Variants in SEMA7A observed in about 807,000 individuals in gnomAD.
SEMA7A encodes semaphorin-7A.
In SEMA7A, 21 loss-of-function variants were observed where a neutral mutation model predicts 67.5. That is an observed-to-expected ratio of 0.31 (90% CI 0.22 to 0.45). SEMA7A has a LOEUF of 0.45. Ranked by LOEUF, SEMA7A falls within the 20% of genes least tolerant of loss-of-function variation. The pLI is 1.00. For missense variants in SEMA7A, 774 were observed against 908.6 expected (o/e 0.85, Z 1.90); for synonymous variants, 364 against 368.5 (o/e 0.99, Z 0.14).
rs146504278 is a variant in SEMA7A at position 74,411,887 on chromosome 15, G to A, written c.1420C>T (p.Arg474Trp). 112 of 1,613,626 alleles carry A rather than the reference G, an allele frequency of 6.9e-5. 1 individual carries two copies. The South Asian group carries it at 9.7e-4, about 14-fold the overall frequency. Residue 474 changes from arginine to tryptophan, a missense_variant and splice_region_variant, in exon 11 of 14, where the codon CGG (arginine) becomes TGG (tryptophan). Coordinates refer to ENST00000261918, the MANE Select transcript of SEMA7A (RefSeq NM_003612.5). The surrounding 1 kb of genome is among the most constrained non-coding windows in gnomAD (Gnocchi z 4.4). ...AIQTMSLDAE[R>W]RKLYVSSQWE... Reference sequence around the variant, plus strand: ...GGACGCAGTGGGGGAAGGCTCACCCGCTCAGCATCCAGCGACATGGTCTGG... The same window carrying A: ...GGACGCAGTGGGGGAAGGCTCACCCACTCAGCATCCAGCGACATGGTCTGG...
At chr15:74,412,437 C>A (rs1453780736) in intron 10 of SEMA7A, among the ~76,000 whole-genome samples, 2 of 152,226 alleles carry the variant, frequency 1.3e-5, no homozygotes, top group Non-Finnish European at 2.9e-5. Context: ...CTCAAGGTCA[C>A]ACAGCTGGTG....
At chr15:74,425,501 C>G (rs200710676) in intron 1 of SEMA7A, among the ~76,000 whole-genome samples, 1 of 152,112 alleles carries the variant, frequency 6.6e-6, no homozygotes, top group East Asian at 1.9e-4. Context: ...TCAGCCCTTC[C>G]CAGACAGATG....
chr15:74,417,188 A>G, intron 6 of SEMA7A, 147 bp downstream of exon 6: 1 of 670,286 alleles, frequency 1.5e-6, no homozygotes, highest in Non-Finnish European at 2.6e-6. Context: ...GCCAACCCTA[A>G]CTTCTCAGGC....
chr15:74,419,789 G>A (rs1475836280), intron 1 of SEMA7A, among the ~76,000 whole-genome samples: 2 of 152,186 alleles, frequency 1.3e-5, no homozygotes, highest in African/African-American at 2.4e-5. Context: ...CTGGGACAGG[G>A]GAACCTTCAC....
intron 1 of SEMA7A, among the ~76,000 whole-genome samples, chr15:74,429,197 GCAGT>G (rs1364040555): frequency 6.6e-6 from 1 of 152,248 alleles, no homozygotes; most frequent in Non-Finnish European, 1.5e-5. Flanking sequence ...CAGGGGAAGT[GCAGT>G]CAGTCTCTTG....
chr15:74,419,535 C>A (rs1355508251), intron 1 of SEMA7A, among the ~76,000 whole-genome samples: 4 of 152,170 alleles, frequency 2.6e-5, no homozygotes, highest in Admixed American at 1.3e-4. Flanking sequence ...TTAGTGAGCA[C>A]TAGACTAGAG....
chr15:74,418,722 G>A (rs969084984), intron 2 of SEMA7A, 79 bp downstream of exon 2: 68 of 1,507,616 alleles, frequency 4.5e-5, no homozygotes, highest in African/African-American at 3.0e-4. Context: ...CAGCTCCCTC[G>A]GATTCCCTGA....
rs558660039 is a variant in SEMA7A, at chr15:74,410,126, G to A, written c.*498C>T. On this transcript the variant is annotated 3_prime_UTR_variant, in exon 14 of 14. Coordinates refer to ENST00000261918, the MANE Select transcript of SEMA7A (RefSeq NM_003612.5). This position sits in a 1 kb window ranked among gnomAD's most constrained non-coding sequence, Gnocchi z 7.5. The stretch of plus-strand genomic sequence containing the variant: ...CAGGACCAGAGAGGGAGCTGCAGAG[G>A]ACAGGGCTGGACAGAGGGTAGCCCT... 12 of 156,008 alleles carry A rather than the reference G, an allele frequency of 7.7e-5. No homozygotes were observed. The East Asian group carries it at 2.3e-3, about 30-fold the overall frequency. 9.7% of individuals were successfully genotyped at this position (156,008 alleles called of 1,614,324 possible).
Position 74,431,756 on chromosome 15 carries a change from C to T in SEMA7A, c.178+1985G>A, listed in dbSNP as rs573362511. Among the ~76,000 whole-genome samples, 10 of 152,382 alleles carry T rather than the reference C, an allele frequency of 6.6e-5. 2 individuals are homozygous for T. The South Asian group carries it at 2.1e-3, about 32-fold the overall frequency. On this transcript the variant is annotated intron_variant, in intron 1 of 13. Transcript: ENST00000261918. ...CGGGCACACCATCACCAGCTGGTGG[C>T]CCTGGGGGTGGGGGGCAGGTGAATG... is the stretch of plus-strand genomic sequence containing the variant.
intron 1 of SEMA7A, among the ~76,000 whole-genome samples, chr15:74,433,021 C>T (rs978519313): frequency 2.0e-5 from 3 of 152,176 alleles, no homozygotes; most frequent in Non-Finnish European, 4.4e-5. Flanking sequence ...AACGGCCGTG[C>T]CCCACCCAAC....
At position 74,433,903 on chromosome 15, in the gene SEMA7A, G is replaced by T; in HGVS notation, c.16C>A (p.Pro6Thr). 1 of 1,254,690 alleles carries T rather than the reference G, an allele frequency of 8.0e-7. No individual in the cohort carries two copies. The highest frequency in any genetic ancestry group is 3.3e-5 in the South Asian group (1 of 30,160). The allele number at this position is 1,254,690 out of a possible 1,614,324, so 77.7% of individuals were successfully genotyped here. A position where few individuals can be genotyped will look rare whatever the true frequency, so the allele number is the denominator to read the frequency against. Residue 6 changes from proline (P) to threonine (T), a missense_variant, in exon 1 of 14, where the codon CCC becomes ACC. Pro to Thr is a conservative substitution (Grantham distance 38, BLOSUM62 -1). Coordinates refer to ENST00000261918, the MANE Select transcript of SEMA7A (RefSeq NM_003612.5). MTPPP[P>T]GRAAPSAPRA... is the part of the protein sequence containing the mutation. ...GGTGCGCTGGGGGCGGCACGTCCGG[G>T]CGGAGGAGGCGTCATCCCGTGGCCC...
Position 74,410,461 on chromosome 15 carries a change from C to T in SEMA7A, c.*163G>A, listed in dbSNP as rs1030869761. Reference sequence around the variant, plus strand: ...CGTGCGCCACCTGGGGCCCAGCAGCCGCCTGCGGCTGGACGTCTCCAGGCC... The same window carrying T: ...CGTGCGCCACCTGGGGCCCAGCAGCTGCCTGCGGCTGGACGTCTCCAGGCC... On this transcript the variant is annotated 3_prime_UTR_variant, in exon 14 of 14. Coordinates refer to ENST00000261918, the MANE Select transcript of SEMA7A (RefSeq NM_003612.5). The surrounding 1 kb of genome is among the most constrained non-coding windows in gnomAD (Gnocchi z 7.5). The T allele has an allele frequency of 6.2e-5, 67 of 1,087,512 alleles. No individual in the cohort carries two copies. Among genetic ancestry groups the T allele is most frequent in the Admixed American group, 1.3e-4 (5 of 37,862 alleles). The allele number at this position is 1,087,512 out of a possible 1,614,324, so 67.4% of individuals were successfully genotyped here.
intron 1 of SEMA7A, chr15:74,433,445 C>A: frequency 1.6e-6 from 1 of 643,628 alleles, no homozygotes; most frequent in Non-Finnish European, 2.1e-6. Flanking sequence ...GAGGGGCCCG[C>A]CCCCTCCCCT....
Position 74,411,676 on chromosome 15 carries a change from C to G in SEMA7A, c.1457G>C (p.Ser486Thr). The G allele has an allele frequency of 6.2e-7, 1 of 1,613,620 alleles. No individual in the cohort carries two copies. The highest frequency in any genetic ancestry group is 8.5e-7 in the Non-Finnish European group (1 of 1,179,992). The part of the protein sequence containing the change: ...KLYVSSQWEV[S>T]QVPLDLCEVY... ...CTCACACAGGTCCAGGGGCACCTGG[C>G]TCACCTCCCACTGGGAGCTCACATA... is the stretch of plus-strand genomic sequence containing the variant. The change falls in exon 12 of 14, where the codon AGC becomes ACC. Residue 486 changes from serine to threonine, a missense_variant. Physicochemically the swap from Ser to Thr is moderately conservative, Grantham distance 58. Transcript: ENST00000261918. This position sits in a 1 kb window ranked among gnomAD's most constrained non-coding sequence, Gnocchi z 4.4.
At position 74,410,558 on chromosome 15, in the gene SEMA7A, C is replaced by T; in HGVS notation, c.*66G>A. On this transcript the variant is annotated 3_prime_UTR_variant, in exon 14 of 14. Transcript: ENST00000261918. The surrounding 1 kb of genome is among the most constrained non-coding windows in gnomAD (Gnocchi z 7.5). ...CAAGGAGCTCCCGGGCCAGCCGGCT[C>T]TGAGTGTGAGACGTTCTAGTGCCCT... The T allele has an allele frequency of 6.6e-7, 1 of 1,515,704 alleles. No individual in the cohort carries two copies. Among genetic ancestry groups the T allele is most frequent in the Non-Finnish European group, 8.8e-7 (1 of 1,132,352 alleles). The allele number at this position is 1,515,704 out of a possible 1,614,324, so 93.9% of individuals were successfully genotyped here.
Position 74,417,374 on chromosome 15 carries a change from CCCGGA to C in SEMA7A, c.617_621del (p.Ile206ArgfsTer4). On this transcript the variant is annotated frameshift_variant, in exon 6 of 14. Transcript: ENST00000261918. LOFTEE classifies it high-confidence loss of function. ...TCACTGGTGTACAGCTCACTCTCGC[CCCGGA>C]TGCGGCGGAACCGAGGGATCTTCCC... is the stretch of plus-strand genomic sequence containing the variant. 6.2e-7 allele frequency: 1 copy of C among 1,614,066 alleles called. No homozygotes were observed. The highest frequency in any genetic ancestry group is 8.5e-7 in the Non-Finnish European group (1 of 1,180,022).
chr15:74,412,057 G>A, intron 10 of SEMA7A, 45 bp from the exon 11 acceptor site: 1 of 1,610,590 alleles, frequency 6.2e-7, no homozygotes, highest in Non-Finnish European at 8.5e-7. Context: ...GTCCCACTGA[G>A]GGGCCAGGCA....
intron 1 of SEMA7A, among the ~76,000 whole-genome samples, chr15:74,431,839 C>T (rs2061091243): frequency 6.6e-6 from 1 of 152,118 alleles, no homozygotes; most frequent in Non-Finnish European, 1.5e-5. Flanking sequence ...CACAGACTGT[C>T]GTTGGACAAG....
intron 1 of SEMA7A, among the ~76,000 whole-genome samples, chr15:74,422,123 G>A (rs1036191599): frequency 6.6e-6 from 1 of 152,038 alleles, no homozygotes; most frequent in East Asian, 1.9e-4. Flanking sequence ...TGAGGCCCAC[G>A]TGTGATGGGG....
Sources: gnomAD v4.1 joint callset for allele counts (sites outside exome capture counted in the v4.1 genomes callset) on GRCh38, gnomAD v4.1.1 for gene constraint, Gnocchi (gnomAD v3.1) non-coding constraint, MANE v1.5 for transcripts, NCBI Gene and HGNC (gene_info 2026-07-23, HGNC 2026-07-21) for gene names.